Variants in ELAVL3 observed in about 807,000 individuals in gnomAD.
The protein encoded by ELAVL3 is ELAV like RNA binding protein 3.
A neutral mutation model predicts 34.2 loss-of-function variants in ELAVL3; 8 were observed. The observed-to-expected ratio is 0.23, with a 90% CI of 0.14 to 0.42. The LOEUF (loss-of-function observed/expected upper bound fraction) is 0.42, where lower values mean the gene tolerates loss of function less well. ELAVL3 is among the 10% of genes least tolerant of loss of function. The pLI is 1.00. For synonymous variants in ELAVL3, 209 were observed against 222.1 expected, an observed-to-expected ratio of 0.94 and a Z score of 0.53; for missense variants, 273 against 518.8, an observed-to-expected ratio of 0.53 and a Z score of 4.60.
At chr19:11,476,166 C>A (rs1256464924) in intron 1 of ELAVL3, among the ~76,000 whole-genome samples, 1 of 152,256 alleles carries the variant, frequency 6.6e-6, no homozygotes, top group Non-Finnish European at 1.5e-5. Flanking sequence ...TATTGAGGTG[C>A]CTGTTGTGTG....
In ELAVL3 at chr19:11,466,624, A is replaced by G. The variant is rs1208115789; in HGVS notation, c.213T>C (p.Val71=). The G allele has an allele frequency of 3.1e-6, 5 of 1,613,974 alleles. No homozygotes were observed. Among genetic ancestry groups the G allele is most frequent in the Non-Finnish European group, 4.2e-6 (5 of 1,179,994 alleles). ...CAGCCACACCTGTGATCTTGTCCCG[A>G]ACCAACTTGCAGGACTCGATGTCGC... ...SIGDIESCKL[V]RDKITGQSLG... is the part of the protein sequence containing the mutation. The change falls in exon 2 of 7, where the codon GTT becomes GTC. Residue 71 remains valine, a synonymous_variant. Transcript: ENST00000359227. The surrounding 1 kb of genome is among the most constrained non-coding windows in gnomAD (Gnocchi z 5.0).
At position 11,480,512 on chromosome 19, in the gene ELAVL3, C is replaced by CT. The variant is rs1195996327; in HGVS notation, c.9+87_9+88insA. On this transcript the variant is annotated intron_variant, in intron 1 of 6. Coordinates refer to ENST00000359227, the MANE Select transcript of ELAVL3 (RefSeq NM_001420.4). This position sits in a 1 kb window ranked among gnomAD's most constrained non-coding sequence, Gnocchi z 6.8. ...GGGCCTAGCTAGGCCTGGTCCTACC[C>CT]CCCCCGCCGCACCCGCCCAATCTCC... The CT allele has an allele frequency of 1.5e-4, 206 of 1,401,286 alleles. No individual in the cohort carries two copies. Among genetic ancestry groups the CT allele is most frequent in the Non-Finnish European group, 1.9e-4 (202 of 1,071,304 alleles). The allele number at this position is 1,401,286 out of a possible 1,614,324, so 86.8% of individuals were successfully genotyped here.
At chr19:11,455,569 G>A (rs1272342942) in intron 6 of ELAVL3, among the ~76,000 whole-genome samples, 1 of 151,908 alleles carries the variant, frequency 6.6e-6, no homozygotes, top group African/African-American at 2.4e-5. Flanking sequence ...TTACAGGCAT[G>A]AGCCACCGCA....
chr19:11,457,381 T>C (rs1274901724), intron 5 of ELAVL3, among the ~76,000 whole-genome samples: 1 of 152,066 alleles, frequency 6.6e-6, no homozygotes, highest in Non-Finnish European at 1.5e-5. Context: ...TCCTCATCCA[T>C]CCTCCCCCTC....
At position 11,466,430 on chromosome 19, in the gene ELAVL3, G is replaced by A. The variant is rs796388507; in HGVS notation, c.230-155C>T. Among the ~76,000 whole-genome samples, 82 of 150,062 alleles carry A rather than the reference G, an allele frequency of 5.5e-4. No homozygotes were observed. Among genetic ancestry groups the A allele is most frequent in the African/African-American group, 1.8e-3 (73 of 40,704 alleles). Reference sequence around the variant, plus strand: ...TGCTAGAGTCCCACCTGCCTCCATCGCTCCTGAGACCTTCACCTAGGGGGT... The same window carrying A: ...TGCTAGAGTCCCACCTGCCTCCATCACTCCTGAGACCTTCACCTAGGGGGT... On this transcript the variant is annotated intron_variant, in intron 2 of 6. Coordinates refer to ENST00000359227, the MANE Select transcript of ELAVL3 (RefSeq NM_001420.4). The surrounding 1 kb of genome is among the most constrained non-coding windows in gnomAD (Gnocchi z 5.0).
chr19:11,480,517 CG>C lies in ELAVL3; in HGVS notation c.9+82del. On this transcript the variant is annotated intron_variant, in intron 1 of 6. Transcript: ENST00000359227. The surrounding 1 kb of genome is among the most constrained non-coding windows in gnomAD (Gnocchi z 6.8). The stretch of plus-strand genomic sequence containing the variant: ...TAGCTAGGCCTGGTCCTACCCCCCC[CG>C]CCGCACCCGCCCAATCTCCGCGGAG... 2 of 1,420,114 alleles carry C rather than the reference CG, an allele frequency of 1.4e-6. No individual in the cohort carries two copies. Among genetic ancestry groups the C allele is most frequent in the Non-Finnish European group, 1.8e-6 (2 of 1,084,262 alleles). The allele number at this position is 1,420,114 out of a possible 1,614,324, so 88.0% of individuals were successfully genotyped here. A position where few individuals can be genotyped will look rare whatever the true frequency, so the allele number is the denominator to read the frequency against.
intron 6 of ELAVL3, among the ~76,000 whole-genome samples, chr19:11,456,695 G>A (rs138666713): frequency 2.7e-5 from 4 of 148,618 alleles, no homozygotes; most frequent in Admixed American, 6.7e-5. Flanking sequence ...ATAAGGTCTC[G>A]CTCTGTCACC....
chr19:11,480,536 C>T lies in ELAVL3; in HGVS notation c.9+64G>A. 3 of 1,469,932 alleles carry T rather than the reference C, an allele frequency of 2.0e-6. No individual in the cohort carries two copies. The highest frequency in any genetic ancestry group is 2.7e-6 in the Non-Finnish European group (3 of 1,105,924). 91.1% of individuals were successfully genotyped at this position (1,469,932 alleles called of 1,614,324 possible). The stretch of plus-strand genomic sequence containing the variant: ...CCCCCCCGCCGCACCCGCCCAATCT[C>T]CGCGGAGCCTGGGCCCAACTCCTCC... On this transcript the variant is annotated intron_variant, in intron 1 of 6. Coordinates refer to ENST00000359227, the MANE Select transcript of ELAVL3 (RefSeq NM_001420.4). This position sits in a 1 kb window ranked among gnomAD's most constrained non-coding sequence, Gnocchi z 6.8.
In ELAVL3 at chr19:11,451,637, C is replaced by T. The variant is rs1258733786; in HGVS notation, c.*2889G>A. ...TCCCCCCTGGCCTGGCCCCTGCCCC[C>T]CAGGGACGTGGAAGCCCCAAGTCCC... is the stretch of plus-strand genomic sequence containing the variant. On this transcript the variant is annotated 3_prime_UTR_variant, in exon 7 of 7. Coordinates refer to ENST00000359227, the MANE Select transcript of ELAVL3 (RefSeq NM_001420.4). 1 of 151,718 alleles carries T rather than the reference C, an allele frequency of 6.6e-6. No individual in the cohort carries two copies. The highest frequency in any genetic ancestry group is 1.5e-5 in the Non-Finnish European group (1 of 67,818). The allele number at this position is 151,718 out of a possible 1,614,324, so 9.4% of individuals were successfully genotyped here.
Position 11,454,548 on chromosome 19 carries a change from G to A in ELAVL3, c.1082C>T (p.Thr361Ile). The A allele has an allele frequency of 6.2e-7, 1 of 1,611,722 alleles. No individual in the cohort carries two copies. Among genetic ancestry groups the A allele is most frequent in the South Asian group, 1.1e-5 (1 of 90,948 alleles). ...GERVLQVSFK[T>I]SKQHKA ...GGCTCACGCCTTGTGCTGTTTGCTG[G>A]TCTTGAAGGAGACCTGCAGCACGCG... The change falls in exon 7 of 7, where the codon ACC (threonine) becomes ATC (isoleucine). Residue 361 changes from threonine (T) to isoleucine (I), a missense_variant. Physicochemically the swap from Thr to Ile is moderately conservative, Grantham distance 89 (BLOSUM62 -1). Around this residue, in one of 4 missense-constraint regions of ELAVL3, gnomAD observed 52 missense variants for 119.6 expected, o/e 0.43. Coordinates refer to ENST00000359227, the MANE Select transcript of ELAVL3 (RefSeq NM_001420.4). This position sits in a 1 kb window ranked among gnomAD's most constrained non-coding sequence, Gnocchi z 9.2.
chr19:11,459,117 T>A (rs1471314818), intron 3 of ELAVL3, among the ~76,000 whole-genome samples: 1 of 143,998 alleles, frequency 6.9e-6, no homozygotes, highest in South Asian at 2.1e-4. Flanking sequence ...CTGACCAGCA[T>A]TTTTTTTTTC....
chr19:11,465,760 C>T (rs192273341), intron 3 of ELAVL3, among the ~76,000 whole-genome samples: 1 of 152,028 alleles, frequency 6.6e-6, no homozygotes, highest in Admixed American at 6.5e-5. Flanking sequence ...GGGGGAGGGG[C>T]GTTGCACAAA....
Position 11,466,476 on chromosome 19 carries a change from C to T in ELAVL3, c.229+132G>A. Reference sequence around the variant, plus strand: ...GGGGTATACCCATCTCCCCATCAGACCTCACATCCCTAGACCACCTCCTGC... The same window carrying T: ...GGGGTATACCCATCTCCCCATCAGATCTCACATCCCTAGACCACCTCCTGC... On this transcript the variant is annotated intron_variant, in intron 2 of 6. Transcript: ENST00000359227. The surrounding 1 kb of genome is among the most constrained non-coding windows in gnomAD (Gnocchi z 5.0). 1 of 1,132,708 alleles carries T rather than the reference C, an allele frequency of 8.8e-7. No individual in the cohort carries two copies. Among genetic ancestry groups the T allele is most frequent in the Non-Finnish European group, 1.3e-6 (1 of 777,106 alleles). 70.2% of individuals were successfully genotyped at this position (1,132,708 alleles called of 1,614,324 possible).
At chr19:11,475,353 C>G (rs1441376765) in intron 1 of ELAVL3, among the ~76,000 whole-genome samples, 2 of 152,182 alleles carry the variant, frequency 1.3e-5, no homozygotes, top group African/African-American at 4.8e-5. Context: ...TCATTATGGC[C>G]AATGCCTTGT....
chr19:11,480,560 C>T lies in ELAVL3; in HGVS notation c.9+40G>A. 1 of 1,510,074 alleles carries T rather than the reference C, an allele frequency of 6.6e-7. No individual in the cohort carries two copies. Among genetic ancestry groups the T allele is most frequent in the Non-Finnish European group, 8.9e-7 (1 of 1,129,766 alleles). The allele number at this position is 1,510,074 out of a possible 1,614,324, so 93.5% of individuals were successfully genotyped here. On this transcript the variant is annotated intron_variant, in intron 1 of 6. Transcript: ENST00000359227. The surrounding 1 kb of genome is among the most constrained non-coding windows in gnomAD (Gnocchi z 6.8). ...TCCGCGGAGCCTGGGCCCAACTCCT[C>T]CCCGTCCCGATTCCCTTTCGGCGAC...
In ELAVL3 at chr19:11,466,947, G is replaced by T. The variant is rs895364344; in HGVS notation, c.10-120C>A. 8.1e-6 allele frequency: 6 copies of T among 736,450 alleles called. No homozygotes were observed. The highest frequency in any genetic ancestry group is 3.6e-4 in the Middle Eastern group (1 of 2,766). 45.6% of individuals were successfully genotyped at this position (736,450 alleles called of 1,614,324 possible). A position where few individuals can be genotyped will look rare whatever the true frequency, so the allele number is the denominator to read the frequency against. ...TATAGGGGCTTCGTCATGGGGAGGGGTCACTTTATTATTCTAATGATGGGA... is the reference window on the plus strand; with the variant it reads ...TATAGGGGCTTCGTCATGGGGAGGGTTCACTTTATTATTCTAATGATGGGA... On this transcript the variant is annotated intron_variant, in intron 1 of 6. Coordinates refer to ENST00000359227, the MANE Select transcript of ELAVL3 (RefSeq NM_001420.4). This position sits in a 1 kb window ranked among gnomAD's most constrained non-coding sequence, Gnocchi z 5.0.
rs989649393 is a variant in ELAVL3, at chr19:11,454,592, G to A, written c.1038C>T (p.Asn346=). 2.3e-5 allele frequency: 37 copies of A among 1,614,080 alleles called. No homozygotes were observed. The highest frequency in any genetic ancestry group is 2.7e-5 in the Non-Finnish European group (32 of 1,180,020). ...GCACGCGCTCGCCCAGGCGATAGCC[G>A]TTCAGGCTGGCGATGGCCATGGCCG... ...DEAAMAIASL[N]GYRLGERVLQ... Residue 346 remains asparagine, a synonymous_variant, in exon 7 of 7, where the codon AAC becomes AAT. Coordinates refer to ENST00000359227, the MANE Select transcript of ELAVL3 (RefSeq NM_001420.4). The surrounding 1 kb of genome is among the most constrained non-coding windows in gnomAD (Gnocchi z 9.2).
At chr19:11,469,386 T>C (rs1331494144) in intron 1 of ELAVL3, among the ~76,000 whole-genome samples, 1 of 152,222 alleles carries the variant, frequency 6.6e-6, no homozygotes, top group South Asian at 2.1e-4. Flanking sequence ...GTTCAAGCGA[T>C]TCTCCTGCCT....
chr19:11,475,612 C>CTTA (rs1971247618), intron 1 of ELAVL3, among the ~76,000 whole-genome samples: 1 of 133,768 alleles, frequency 7.5e-6, no homozygotes, highest in South Asian at 2.4e-4. Flanking sequence ...TCACCATCTA[C>CTTA]TTTTTTTTTT....
Sources: gnomAD v4.1 joint callset for allele counts (sites outside exome capture counted in the v4.1 genomes callset) on GRCh38, gnomAD v4.1.1 for gene constraint, gnomAD v4.1.1 regional missense constraint, Gnocchi (gnomAD v3.1) non-coding constraint, MANE v1.5 for transcripts, NCBI Gene and HGNC (gene_info 2026-07-23, HGNC 2026-07-21) for gene names.